Variants in HDAC5 observed in about 807,000 individuals in gnomAD.
HDAC5 encodes the protein histone deacetylase 5, also known as antigen NY-CO-9.
Under a neutral mutation model 133.3 loss-of-function variants are expected in HDAC5, and 25 were observed. That is an observed-to-expected ratio of 0.19 (90% CI 0.14 to 0.26). The LOEUF (loss-of-function observed/expected upper bound fraction) is 0.26. Among genes scored for constraint, HDAC5 ranks in the 10% least tolerant of loss-of-function variants. The probability of loss-of-function intolerance (pLI) is 1.00; values close to 1 mark genes in which losing one functional copy is unlikely to be tolerated. For synonymous variants in HDAC5, 589 were observed against 610.8 expected, an observed-to-expected ratio of 0.96 and a Z score of 0.53; for missense variants, 1,041 against 1,460.5, an observed-to-expected ratio of 0.71 and a Z score of 4.68.
Position 44,092,664 on chromosome 17 carries a change from G to A in HDAC5, c.772+12C>T, listed in dbSNP as rs935274078. 4 of 1,525,792 alleles carry A rather than the reference G, an allele frequency of 2.6e-6. No homozygotes were observed. The highest frequency in any genetic ancestry group is 3.5e-6 in the Non-Finnish European group (4 of 1,134,730). The allele number at this position is 1,525,792 out of a possible 1,614,324, so 94.5% of individuals were successfully genotyped here. A position where few individuals can be genotyped will look rare whatever the true frequency, so the allele number is the denominator to read the frequency against. On this transcript the variant is annotated intron_variant, in intron 7 of 26. Transcript: ENST00000682912. ...GCCATATTCTGGGAGGCCAGGTGGG[G>A]GACTCACTCACCTGTTTTGCGGAGG...
At chr17:44,112,256 AC>A (rs1170400356) in intron 2 of HDAC5, among the ~76,000 whole-genome samples, 1 of 151,982 alleles carries the variant, frequency 6.6e-6, no homozygotes, top group Admixed American at 6.6e-5. Context: ...TCCAGCCATT[AC>A]CCACCAGCCA....
intron 20 of HDAC5, chr17:44,081,614 T>G (rs2050396833): frequency 1.4e-5 from 2 of 147,798 alleles, no homozygotes; most frequent in African/African-American, 5.0e-5. Flanking sequence ...AATCTCACTC[T>G]GTCATCGAGG....
chr17:44,122,990 C>T (rs2053104407), intron 1 of HDAC5, among the ~76,000 whole-genome samples: 1 of 152,162 alleles, frequency 6.6e-6, no homozygotes, highest in African/African-American at 2.4e-5. Context: ...AGTCCCCCTC[C>T]TCATGCACGG....
intron 14 of HDAC5, 159 bp from the exon 15 acceptor site, chr17:44,085,314 T>G: frequency 5.8e-6 from 3 of 518,198 alleles, no homozygotes; most frequent in Non-Finnish European, 9.3e-6. Flanking sequence ...ACCTGCCCCC[T>G]CTCCTCTCCA....
At chr17:44,100,154 G>C (rs188086946) in intron 3 of HDAC5, among the ~76,000 whole-genome samples, 18 of 152,280 alleles carry the variant, frequency 1.2e-4, no homozygotes, top group Non-Finnish European at 1.8e-4. Context: ...AGTGCCTTGG[G>C]AACAAGAATT....
chr17:44,093,666 T>A lies in HDAC5; in HGVS notation c.263A>T (p.Gln88Leu). The A allele has an allele frequency of 6.2e-7, 1 of 1,606,590 alleles. No individual in the cohort carries two copies. The highest frequency in any genetic ancestry group is 8.5e-7 in the Non-Finnish European group (1 of 1,175,742). Reference sequence around the variant, plus strand: ...AGCGAACAGGAGCTGCTTCTGCAGCTGCTGCTGCTGCTTGAGCGCCAGGAG... The same window carrying A: ...AGCGAACAGGAGCTGCTTCTGCAGCAGCTGCTGCTGCTTGAGCGCCAGGAG... ...QELLALKQQQ[Q>L]LQKQLLFAEF... The change falls in exon 4 of 27, where the codon CAG (glutamine) becomes CTG (leucine). Residue 88 changes from glutamine to leucine, a missense_variant. Gln to Leu is a moderately radical substitution (Grantham distance 113, BLOSUM62 -2). This residue lies in a region of HDAC5 where 109 missense variants were observed against 168.0 expected (regional missense o/e 0.65). Coordinates refer to ENST00000682912, the MANE Select transcript of HDAC5 (RefSeq NM_005474.5).
Position 44,078,110 on chromosome 17 carries a change from A to C in HDAC5, c.*266T>G. 4 of 363,374 alleles carry C rather than the reference A, an allele frequency of 1.1e-5. No individual in the cohort carries two copies. The highest frequency in any genetic ancestry group is 4.2e-5 in the East Asian group (1 of 23,816). 22.5% of individuals were successfully genotyped at this position (363,374 alleles called of 1,614,324 possible). On this transcript the variant is annotated 3_prime_UTR_variant, in exon 27 of 27. Coordinates refer to ENST00000682912, the MANE Select transcript of HDAC5 (RefSeq NM_005474.5). The stretch of plus-strand genomic sequence containing the variant: ...GAGCTGGCCCAGGCTCCAAGGAGGA[A>C]AAGGACAGACAGAATGCAGGAAAAT...
chr17:44,100,019 T>C (rs2051496279), intron 3 of HDAC5, among the ~76,000 whole-genome samples: 1 of 152,012 alleles, frequency 6.6e-6, no homozygotes, highest in Non-Finnish European at 1.5e-5. Context: ...ATGATGTAGG[T>C]GCTCGTGGGG....
At chr17:44,094,781 C>A (rs2051163720) in intron 3 of HDAC5, among the ~76,000 whole-genome samples, 1 of 151,458 alleles carries the variant, frequency 6.6e-6, no homozygotes, top group African/African-American at 2.4e-5. Context: ...CACACACATA[C>A]ATATGTGTGT....
Position 44,080,983 on chromosome 17 carries a change from T to C in HDAC5, c.2608-101A>G, listed in dbSNP as rs113749952. ...GCACTGTAGCTCATGCCTGTAATCCTAGCATTTTGGGAGGCTGAGGGCTGG... is the reference window on the plus strand; with the variant it reads ...GCACTGTAGCTCATGCCTGTAATCCCAGCATTTTGGGAGGCTGAGGGCTGG... On this transcript the variant is annotated intron_variant, in intron 20 of 26. Transcript: ENST00000682912. The C allele has an allele frequency of 4.9e-5, 74 of 1,517,942 alleles. 1 individual carries two copies. The highest frequency in any genetic ancestry group is 4.4e-4 in the African/African-American group (32 of 73,018). 94.0% of individuals were successfully genotyped at this position (1,517,942 alleles called of 1,614,324 possible).
chr17:44,102,169 T>C (rs2051654304), intron 3 of HDAC5, among the ~76,000 whole-genome samples: 1 of 152,054 alleles, frequency 6.6e-6, no homozygotes, highest in African/African-American at 2.4e-5. Flanking sequence ...AAGGGGTGAG[T>C]TGGGGCTGAC....
Position 44,087,809 on chromosome 17 carries a change from T to C in HDAC5, c.1600-113A>G, listed in dbSNP as rs548036612. On this transcript the variant is annotated intron_variant, in intron 12 of 26. Transcript: ENST00000682912. The stretch of plus-strand genomic sequence containing the variant: ...TCCCTTCTTCCAGGTAGAGCTTCTA[T>C]GTGAATTAGAAAAAGGTGAGGTAGC... The C allele has an allele frequency of 5.3e-6, 7 of 1,317,608 alleles. No individual in the cohort carries two copies. The East Asian group carries it at 9.8e-5, about 18-fold the overall frequency. 81.6% of individuals were successfully genotyped at this position (1,317,608 alleles called of 1,614,324 possible). A position where few individuals can be genotyped will look rare whatever the true frequency, so the allele number is the denominator to read the frequency against.
intron 11 of HDAC5, among the ~76,000 whole-genome samples, chr17:44,090,581 G>A (rs2050896016): frequency 6.6e-6 from 1 of 151,310 alleles, no homozygotes; most frequent in African/African-American, 2.4e-5. Flanking sequence ...CACCATGTTG[G>A]CCAGGCTGGT....
chr17:44,087,251 C>T (rs1487820173), intron 13 of HDAC5, among the ~76,000 whole-genome samples, 161 bp downstream of exon 13: 1 of 152,032 alleles, frequency 6.6e-6, no homozygotes, highest in Non-Finnish European at 1.5e-5. Flanking sequence ...CCCCTTCTCC[C>T]CACCGGCCTC....
At chr17:44,082,941 A>G (rs1290269118) in intron 18 of HDAC5, 121 bp from the exon 19 acceptor site, 10 of 804,294 alleles carry the variant, frequency 1.2e-5, no homozygotes, top group African/African-American at 1.7e-5. Flanking sequence ...AAGCAGATCC[A>G]TATGTTTAAT....
intron 3 of HDAC5, among the ~76,000 whole-genome samples, chr17:44,101,069 G>A (rs565476383): frequency 1.5e-4 from 22 of 150,150 alleles, no homozygotes; most frequent in Middle Eastern, 3.4e-3. Flanking sequence ...GATTACAGGC[G>A]TGAGCCACTG....
chr17:44,087,133 G>A (rs909146323), intron 13 of HDAC5, among the ~76,000 whole-genome samples: 3 of 151,702 alleles, frequency 2.0e-5, no homozygotes, highest in Non-Finnish European at 2.9e-5. Flanking sequence ...AGGGACCGAC[G>A]CATGCATACA....
At chr17:44,090,930 C>T (rs562949367) in intron 11 of HDAC5, among the ~76,000 whole-genome samples, 2 of 152,212 alleles carry the variant, frequency 1.3e-5, no homozygotes, top group South Asian at 4.1e-4. Context: ...ACCTCGTGAT[C>T]CACCCGCCTC....
Position 44,082,775 on chromosome 17 carries a change from A to G in HDAC5, c.2509T>C (p.Ser837Pro). 6.4e-7 allele frequency: 1 copy of G among 1,571,456 alleles called. No homozygotes were observed. The highest frequency in any genetic ancestry group is 8.6e-7 in the Non-Finnish European group (1 of 1,157,396). Residue 837 changes from serine to proline, a missense_variant, in exon 19 of 27, where the codon TCC becomes CCC. Ser to Pro is a moderately conservative substitution (Grantham distance 74). Transcript: ENST00000682912. ...IRPPGHHAEE[S>P]TAMGFCFFNS... ...ATCTAGGGCACTCACATGGCTGTGG[A>G]TTCCTCGGCGTGGTGTCCTGGGGGC...
Sources: gnomAD v4.1 joint callset for allele counts (sites outside exome capture counted in the v4.1 genomes callset) on GRCh38, gnomAD v4.1.1 for gene constraint, gnomAD v4.1.1 regional missense constraint, MANE v1.5 for transcripts, NCBI Gene and HGNC (gene_info 2026-07-23, HGNC 2026-07-21) for gene names.